FANCI: variants seen among roughly 807,000 people sequenced by gnomAD.
FANCI encodes the protein FA complementation group I, also known as Fanconi anemia group I protein.
Under a neutral mutation model 176.1 loss-of-function variants are expected in FANCI, and 156 were observed. The ratio of observed to expected loss-of-function variants is 0.89; its 90% CI spans 0.78 to 1.01. The LOEUF (loss-of-function observed/expected upper bound fraction) is 1.01. Among genes scored for constraint, FANCI ranks in the 50% least tolerant of loss-of-function variants. The probability of loss-of-function intolerance (pLI) is 0.00; values close to 1 mark genes in which losing one functional copy is unlikely to be tolerated. For synonymous variants in FANCI, 613 were observed against 541.7 expected, an observed-to-expected ratio of 1.13 and a Z score of -1.83; for missense variants, 1,678 against 1,534.1, an observed-to-expected ratio of 1.09 and a Z score of -1.57.
At chr15:89,312,807 GCT>G (rs2055019897) in intron 34 of FANCI, 95 bp from the exon 35 acceptor site, 5 of 911,552 alleles carry the variant, frequency 5.5e-6, no homozygotes, top group Non-Finnish European at 8.2e-6. Flanking sequence ...TGACAGCAAA[GCT>G]CTGTCTTAAA....
At chr15:89,267,240 A>G (rs2053001699) in intron 9 of FANCI, among the ~76,000 whole-genome samples, 1 of 151,592 alleles carries the variant, frequency 6.6e-6, no homozygotes, top group Non-Finnish European at 1.5e-5. Flanking sequence ...GAATCACTTG[A>G]GCTCAGGAGG....
chr15:89,299,872 C>A lies in FANCI; in HGVS notation c.2709C>A (p.Ser903Arg). 1.2e-6 allele frequency: 2 copies of A among 1,613,992 alleles called. No individual in the cohort carries two copies. The highest frequency in any genetic ancestry group is 1.7e-6 in the Non-Finnish European group (2 of 1,179,954). Reference sequence around the variant, plus strand: ...CGGGAAAGAAAGAGAAAGGAAAGAGCATCTCACTGCTGTGCTTGGAGGGTT... The same window carrying A: ...CGGGAAAGAAAGAGAAAGGAAAGAGAATCTCACTGCTGTGCTTGGAGGGTT... ...EESGKKEKGK[S>R]ISLLCLEGLQ... The change falls in exon 25 of 38, where the codon AGC (serine) becomes AGA (arginine). Residue 903 changes from serine (S) to arginine (R), a missense_variant. By Grantham distance (110) the Ser-to-Arg change is moderately radical (BLOSUM62 -1). This residue lies in a region of FANCI where 1,204 missense variants were observed against 1,077.4 expected (regional missense o/e 1.12). Transcript: ENST00000310775.
chr15:89,314,757 G>T (rs928277140), intron 36 of FANCI, 50 bp downstream of exon 36: 2 of 1,358,000 alleles, frequency 1.5e-6, no homozygotes, highest in Admixed American at 3.4e-5. Flanking sequence ...CTTCTTGACA[G>T]ATCTGGCAAA....
Position 89,316,938 on chromosome 15 carries a change from G to C in FANCI, c.*479G>C. ...GGTCAAAAGGAGAGTGAAAGGTTGAGAACAATTGCCACGAACGGTAATGTT... is the reference window on the plus strand; with the variant it reads ...GGTCAAAAGGAGAGTGAAAGGTTGACAACAATTGCCACGAACGGTAATGTT... On this transcript the variant is annotated 3_prime_UTR_variant, in exon 38 of 38. Transcript: ENST00000310775. 3 of 812,334 alleles carry C rather than the reference G, an allele frequency of 3.7e-6. No individual in the cohort carries two copies. Among genetic ancestry groups the C allele is most frequent in the Middle Eastern group, 2.2e-4 (1 of 4,504 alleles). The allele number at this position is 812,334 out of a possible 1,614,324, so 50.3% of individuals were successfully genotyped here.
At chr15:89,285,730 T>C (rs1443314449) in intron 18 of FANCI, among the ~76,000 whole-genome samples, 1 of 132,822 alleles carries the variant, frequency 7.5e-6, no homozygotes, top group African/African-American at 2.5e-5. Flanking sequence ...TAAGACTAAG[T>C]CCTTTTTTTT....
intron 18 of FANCI, among the ~76,000 whole-genome samples, chr15:89,286,839 T>G (rs919555751): frequency 1.3e-5 from 2 of 152,166 alleles, no homozygotes; most frequent in Non-Finnish European, 2.9e-5. Flanking sequence ...CCAGATAAAG[T>G]CTTCTTCCAA....
At position 89,294,600 on chromosome 15, in the gene FANCI, TA is replaced by T. The variant is rs1202681979; in HGVS notation, c.2457-314del. Among the ~76,000 whole-genome samples the T allele has an allele frequency of 1.3e-4, 19 of 148,532 alleles. 2 individuals carry two copies. The highest frequency in any genetic ancestry group is 9.3e-4 in the Admixed American group (14 of 14,980). On this transcript the variant is annotated intron_variant, in intron 23 of 37. Transcript: ENST00000310775. ...AATTCTGCCTAAATAAATAAAAAGG[TA>T]GGGGGGGTGACTGAATTAAAAATAC...
In FANCI at chr15:89,317,093, CAAG is replaced by C. The variant is rs1280923251; in HGVS notation, c.*637_*639del. On this transcript the variant is annotated 3_prime_UTR_variant, in exon 38 of 38. Coordinates refer to ENST00000310775, the MANE Select transcript of FANCI (RefSeq NM_001113378.2). ...TTGTTTTTCTGTCACCTATAGAGTG[CAAG>C]AATGCACTCTATAGAATAAATTATC... 1.7e-6 allele frequency: 1 copy of C among 590,094 alleles called. No homozygotes were observed. Among genetic ancestry groups the C allele is most frequent in the Non-Finnish European group, 3.0e-6 (1 of 333,692 alleles). 36.6% of individuals were successfully genotyped at this position (590,094 alleles called of 1,614,324 possible). A position where few individuals can be genotyped will look rare whatever the true frequency, so the allele number is the denominator to read the frequency against.
chr15:89,246,236 C>G (rs1398050688), intron 1 of FANCI, among the ~76,000 whole-genome samples: 1 of 152,148 alleles, frequency 6.6e-6, no homozygotes, highest in African/African-American at 2.4e-5. Context: ...TTCATCCCAT[C>G]TTTTCTGTTC....
intron 4 of FANCI, 152 bp downstream of exon 4, chr15:89,260,995 G>C (rs1381784796): frequency 2.0e-6 from 2 of 998,456 alleles, no homozygotes; most frequent in African/African-American, 3.2e-5. Flanking sequence ...GCCGGGCATG[G>C]TGACTCACAC....
In FANCI at chr15:89,300,341, G is replaced by T. The variant is rs767462150; in HGVS notation, c.2845G>T (p.Val949Phe). 1.2e-6 allele frequency: 2 copies of T among 1,614,034 alleles called. No homozygotes were observed. The highest frequency in any genetic ancestry group is 2.2e-5 in the South Asian group (2 of 91,088). ...KEGEEREDAD[V>F]SVTQRTAFQI... Reference sequence around the variant, plus strand: ...AGGAGAAGAGAGAGAAGATGCAGATGTCAGTGTCACTCAGAGAACAGCATT... The same window carrying T: ...AGGAGAAGAGAGAGAAGATGCAGATTTCAGTGTCACTCAGAGAACAGCATT... The change falls in exon 26 of 38, where the codon GTC (valine) becomes TTC (phenylalanine). Residue 949 changes from valine (V) to phenylalanine (F), a missense_variant. Physicochemically the swap from Val to Phe is conservative, Grantham distance 50 (BLOSUM62 -1). This residue lies in a region of FANCI where 1,204 missense variants were observed against 1,077.4 expected (regional missense o/e 1.12). Transcript: ENST00000310775.
At position 89,307,610 on chromosome 15, in the gene FANCI, C is replaced by A. The variant is rs1186228622; in HGVS notation, c.3592-3C>A. The A allele has an allele frequency of 6.2e-7, 1 of 1,614,128 alleles. No individual in the cohort carries two copies. Among genetic ancestry groups the A allele is most frequent in the Admixed American group, 1.7e-5 (1 of 60,006 alleles). On this transcript the variant is annotated splice_polypyrimidine_tract_variant and splice_region_variant and intron_variant, in intron 33 of 37. Coordinates refer to ENST00000310775, the MANE Select transcript of FANCI (RefSeq NM_001113378.2). ...ATTGGTTTCCTTCTCCCTTGTTGTGCAGGTGAAGCTGTCTGGTTCTCATCT... is the reference window on the plus strand; with the variant it reads ...ATTGGTTTCCTTCTCCCTTGTTGTGAAGGTGAAGCTGTCTGGTTCTCATCT...
At chr15:89,246,556 A>G (rs559220905) in intron 1 of FANCI, among the ~76,000 whole-genome samples, 2 of 152,154 alleles carry the variant, frequency 1.3e-5, no homozygotes, top group East Asian at 3.9e-4. Flanking sequence ...ATTTTCCCCC[A>G]AAGAAATTTC....
intron 34 of FANCI, among the ~76,000 whole-genome samples, chr15:89,309,777 C>T (rs1413390469): frequency 6.6e-6 from 1 of 152,140 alleles, no homozygotes; most frequent in Non-Finnish European, 1.5e-5. Flanking sequence ...AGTTTTCAGA[C>T]CTATTCAAGA....
At chr15:89,292,659 G>T (rs1359210276) in intron 20 of FANCI, 29 bp from the exon 21 acceptor site, 2 of 1,606,350 alleles carry the variant, frequency 1.2e-6, no homozygotes, top group Non-Finnish European at 8.5e-7. Flanking sequence ...ACACTCAAGA[G>T]TATTTAATTT....
intron 16 of FANCI, chr15:89,282,746 A>T (rs1005269055): frequency 3.5e-6 from 1 of 289,018 alleles, no homozygotes; most frequent in African/African-American, 2.2e-5. Context: ...CATGGCATCA[A>T]ATATTACATT....
At position 89,281,849 on chromosome 15, in the gene FANCI, T is replaced by C; in HGVS notation, c.1583+14T>C. 3 of 1,612,012 alleles carry C rather than the reference T, an allele frequency of 1.9e-6. No individual in the cohort carries two copies. Among genetic ancestry groups the C allele is most frequent in the Non-Finnish European group, 2.5e-6 (3 of 1,178,400 alleles). Reference sequence around the variant, plus strand: ...TATGTTTGCCAAGTATGTAGCATCTTTTTCTATCATAGGAAGACGTTGTCT... The same window carrying C: ...TATGTTTGCCAAGTATGTAGCATCTCTTTCTATCATAGGAAGACGTTGTCT... On this transcript the variant is annotated intron_variant, in intron 16 of 37. Coordinates refer to ENST00000310775, the MANE Select transcript of FANCI (RefSeq NM_001113378.2).
chr15:89,315,037 G>T (rs2055166502), intron 36 of FANCI, among the ~76,000 whole-genome samples: 1 of 152,000 alleles, frequency 6.6e-6, no homozygotes, highest in South Asian at 2.1e-4. Context: ...TCAAACTCCT[G>T]GCCTGAAGTG....
intron 24 of FANCI, among the ~76,000 whole-genome samples, chr15:89,298,132 A>C (rs935782166): frequency 6.6e-6 from 1 of 152,218 alleles, no homozygotes; most frequent in African/African-American, 2.4e-5. Flanking sequence ...AGGAGGTAGA[A>C]GAAGTGAACA....
Sources: allele counts gnomAD v4.1 joint callset (sites outside exome capture counted in the v4.1 genomes callset), GRCh38; gene constraint gnomAD v4.1.1; regional missense constraint gnomAD v4.1.1; transcripts MANE v1.5; gene names NCBI Gene and HGNC (gene_info 2026-07-23, HGNC 2026-07-21).